The following SPOCK1 variants were observed in gnomAD, a reference collection of about 807,000 sequenced individuals.
SPOCK1 encodes SPARC (osteonectin), cwcv and kazal like domains proteoglycan 1.
A neutral mutation model predicts 55.3 loss-of-function variants in SPOCK1; 23 were observed. That is an observed-to-expected ratio of 0.42 (90% CI 0.30 to 0.59). The LOEUF (loss-of-function observed/expected upper bound fraction) is 0.59. Among genes scored for constraint, SPOCK1 ranks in the 20% least tolerant of loss-of-function variants. The pLI is 0.22. For missense variants in SPOCK1, 499 were observed against 552.5 expected (o/e 0.90, Z 0.97); for synonymous variants, 226 against 221.0 (o/e 1.02, Z -0.20).
In SPOCK1 at chr5:137,024,177, A is replaced by G. The variant is rs1051466777; in HGVS notation, c.590-31577T>C. Among the ~76,000 whole-genome samples the G allele has an allele frequency of 1.3e-4, 20 of 152,212 alleles. 3 individuals carry two copies. The highest frequency in any genetic ancestry group is 1.1e-3 in the Admixed American group (17 of 15,284). On this transcript the variant is annotated intron_variant, in intron 6 of 10. Coordinates refer to ENST00000394945, the MANE Select transcript of SPOCK1 (RefSeq NM_004598.4). ...GCTTTTGAACAGCAAACCCAGCAGC[A>G]CAGGTACTGCTACTCTGATAAGGTT...
At chr5:137,112,660 T>A in intron 4 of SPOCK1, 99 bp from the exon 5 acceptor site, 1 of 1,456,432 alleles carries the variant, frequency 6.9e-7, no homozygotes, top group Non-Finnish European at 9.2e-7. Context: ...AATAAAGGAC[T>A]ATCCAACCAG....
rs796684161 is a variant in SPOCK1 at position 136,979,342 on chromosome 5, A to G, written c.1119T>C (p.Ala373=). 5.6e-6 allele frequency: 9 copies of G among 1,613,998 alleles called. No homozygotes were observed. In the African/African-American group the frequency reaches 1.1e-4, roughly 19 times the overall value. The part of the protein sequence containing the change: ...NELAGSRKQG[A]VSCEEEQETS... Reference sequence around the variant, plus strand: ...GGAGGCCTTACTCACCACAGCTCACAGCACCCTGTTTCCTGGAGCCAGCCA... The same window carrying G: ...GGAGGCCTTACTCACCACAGCTCACGGCACCCTGTTTCCTGGAGCCAGCCA... The change falls in exon 10 of 11, where the codon GCT becomes GCC. Residue 373 remains alanine, a synonymous_variant. Coordinates refer to ENST00000394945, the MANE Select transcript of SPOCK1 (RefSeq NM_004598.4).
At chr5:137,401,283 C>T (rs941375611) in intron 2 of SPOCK1, among the ~76,000 whole-genome samples, 3 of 151,964 alleles carry the variant, frequency 2.0e-5, no homozygotes, top group Admixed American at 2.0e-4. Flanking sequence ...TTGTGGGGGG[C>T]AGGGGGAAAC....
chr5:137,493,743 G>T (rs188621050), intron 2 of SPOCK1, among the ~76,000 whole-genome samples: 3 of 152,120 alleles, frequency 2.0e-5, no homozygotes, highest in African/African-American at 7.2e-5. Flanking sequence ...TGCTACTCTC[G>T]ATTACGGGCT....
chr5:137,155,732 T>C (rs1754403941), intron 3 of SPOCK1, among the ~76,000 whole-genome samples: 1 of 152,188 alleles, frequency 6.6e-6, no homozygotes, highest in Admixed American at 6.5e-5. Flanking sequence ...TCATGGACAA[T>C]CGTTTTTTAA....
chr5:137,137,573 C>T (rs1214414760), intron 4 of SPOCK1, among the ~76,000 whole-genome samples: 1 of 152,224 alleles, frequency 6.6e-6, no homozygotes, highest in African/African-American at 2.4e-5. Context: ...GGAGTGGGCA[C>T]ACCATCTCAG....
chr5:137,359,397 C>A (rs984949835), intron 2 of SPOCK1, among the ~76,000 whole-genome samples: 3 of 152,184 alleles, frequency 2.0e-5, no homozygotes, highest in Non-Finnish European at 4.4e-5. Flanking sequence ...CCAGAGCATA[C>A]AAAATCAATT....
intron 2 of SPOCK1, among the ~76,000 whole-genome samples, chr5:137,308,488 C>G (rs1324226159): frequency 1.3e-5 from 2 of 152,240 alleles, no homozygotes; most frequent in South Asian, 4.1e-4. Context: ...AGGGGCACCT[C>G]AGCAGTGAGA....
rs533072489 is a variant in SPOCK1, at chr5:137,040,938, G to C, written c.589+26777C>G. ...TAAAGGAGGGCCTACTGTGTACTTG[G>C]CCAGCACTAGATTGCCCAGACAATG... On this transcript the variant is annotated intron_variant, in intron 6 of 10. Coordinates refer to ENST00000394945, the MANE Select transcript of SPOCK1 (RefSeq NM_004598.4). 9.9e-5 allele frequency among the ~76,000 whole-genome samples: 15 copies of C among 152,226 alleles called. No homozygotes were observed. In the South Asian group the frequency reaches 1.9e-3, roughly 19 times the overall value.
At chr5:137,261,456 T>C (rs1022682429) in intron 3 of SPOCK1, among the ~76,000 whole-genome samples, 18 of 152,214 alleles carry the variant, frequency 1.2e-4, no homozygotes, top group Non-Finnish European at 1.9e-4. Flanking sequence ...TTCAGGGCTT[T>C]GGTCAGGATT....
chr5:137,227,671 T>C (rs755331561), intron 3 of SPOCK1, among the ~76,000 whole-genome samples: 16 of 152,148 alleles, frequency 1.1e-4, no homozygotes, highest in Non-Finnish European at 2.4e-4. Flanking sequence ...CCAAACTCAA[T>C]AACTCTCTTA....
intron 5 of SPOCK1, among the ~76,000 whole-genome samples, chr5:137,102,687 T>G (rs1369059074): frequency 6.6e-6 from 1 of 152,178 alleles, no homozygotes; most frequent in Non-Finnish European, 1.5e-5. Flanking sequence ...CAGACCAGGG[T>G]TCAAATATCT....
intron 4 of SPOCK1, among the ~76,000 whole-genome samples, chr5:137,115,336 T>G (rs944763614): frequency 1.3e-5 from 2 of 151,996 alleles, no homozygotes; most frequent in African/African-American, 4.8e-5. Flanking sequence ...AGAGAGGAAG[T>G]GACTTTCCCA....
At chr5:137,332,015 T>C (rs1228634997) in intron 2 of SPOCK1, among the ~76,000 whole-genome samples, 2 of 152,140 alleles carry the variant, frequency 1.3e-5, no homozygotes, top group Non-Finnish European at 2.9e-5. Context: ...ACATTCAAAG[T>C]AACACACACA....
chr5:137,176,255 C>T (rs1754850065), intron 3 of SPOCK1, among the ~76,000 whole-genome samples: 1 of 152,140 alleles, frequency 6.6e-6, no homozygotes, highest in Admixed American at 6.5e-5. Flanking sequence ...GCCGGTATAT[C>T]CTCAACCCCC....
chr5:137,188,994 C>G (rs1040126019), intron 3 of SPOCK1, among the ~76,000 whole-genome samples: 1 of 152,236 alleles, frequency 6.6e-6, no homozygotes, highest in Admixed American at 6.5e-5. Flanking sequence ...AAAACCTAGT[C>G]CAGAGCAAGG....
In SPOCK1 at chr5:136,985,163, A is replaced by G. The variant is rs1373961353; in HGVS notation, c.968T>C (p.Leu323Pro). The change falls in exon 9 of 11, where the codon CTG (leucine) becomes CCG (proline). Residue 323 changes from leucine (L) to proline (P), a missense_variant. Transcript: ENST00000394945. ...ACCCAACAGGCTTTTCCCCTTACTCAGCTTCTGAATTCTGTTCATTTCATT... is the reference window on the plus strand; with the variant it reads ...ACCCAACAGGCTTTTCCCCTTACTCGGCTTCTGAATTCTGTTCATTTCATT... ...CQNEMNRIQK[L>P]SKGKSLLGAF... 1 of 1,614,046 alleles carries G rather than the reference A, an allele frequency of 6.2e-7. No individual in the cohort carries two copies. The highest frequency in any genetic ancestry group is 8.5e-7 in the Non-Finnish European group (1 of 1,180,002).
At chr5:137,326,494 C>T in intron 2 of SPOCK1, among the ~76,000 whole-genome samples, 1 of 152,180 alleles carries the variant, frequency 6.6e-6, no homozygotes, top group Non-Finnish European at 1.5e-5. Context: ...GAGCTGGTTG[C>T]CCTGGGTAAT....
intron 5 of SPOCK1, among the ~76,000 whole-genome samples, chr5:137,096,752 A>C (rs1753154802): frequency 6.6e-6 from 1 of 150,466 alleles, no homozygotes. Context: ...TTTTTTAAAG[A>C]ATTATGTAAA....
Sources: allele counts gnomAD v4.1 joint callset (sites outside exome capture counted in the v4.1 genomes callset), GRCh38; gene constraint gnomAD v4.1.1; transcripts MANE v1.5; gene names NCBI Gene and HGNC (gene_info 2026-07-23, HGNC 2026-07-21).